Variants in ADARB2 observed in about 807,000 individuals in gnomAD.
The protein encoded by ADARB2 is inactive double-stranded RNA-specific editase B2.
A neutral mutation model predicts 62.2 loss-of-function variants in ADARB2; 25 were observed. The observed-to-expected ratio is 0.40, with a 90% confidence interval of 0.29 to 0.56. The LOEUF (loss-of-function observed/expected upper bound fraction) is 0.56, where lower values mean the gene tolerates loss of function less well. Ranked by LOEUF, ADARB2 falls within the 20% of genes least tolerant of loss-of-function variation. ADARB2 has a pLI of 0.43. For synonymous variants in ADARB2, 572 were observed against 500.8 expected, an observed-to-expected ratio of 1.14 and a Z score of -1.90; for missense variants, 1,071 against 1,077.4, an observed-to-expected ratio of 0.99 and a Z score of 0.08.
At chr10:1,678,546 C>T (rs17294061) in intron 1 of ADARB2, among the ~76,000 whole-genome samples, 6,115 of 152,002 alleles carry the variant, frequency 0.04, 177 homozygotes, top group Middle Eastern at 0.075. Context: ...CTTTTCAAGT[C>T]GCTTTTTATC....
intron 1 of ADARB2, among the ~76,000 whole-genome samples, chr10:1,611,897 G>C (rs1185653023): frequency 6.6e-6 from 1 of 152,168 alleles, no homozygotes; most frequent in African/African-American, 2.4e-5. Flanking sequence ...CCAGATGCGT[G>C]GTGCCTGGGG....
intron 1 of ADARB2, among the ~76,000 whole-genome samples, chr10:1,653,064 C>T (rs1247805053): frequency 6.6e-6 from 1 of 152,198 alleles, no homozygotes; most frequent in East Asian, 1.9e-4. Context: ...GAAATGGCCA[C>T]TTAGAGCTTC....
rs370242438 is a variant in ADARB2, at chr10:1,182,869, G to A, written c.*324C>T. 249 of 266,140 alleles carry A rather than the reference G, an allele frequency of 9.4e-4. 1 individual carries two copies. Among genetic ancestry groups the A allele is most frequent in the Non-Finnish European group, 3.1e-4 (43 of 137,824 alleles). 16.5% of individuals were successfully genotyped at this position (266,140 alleles called of 1,614,324 possible). A position where few individuals can be genotyped will look rare whatever the true frequency, so the allele number is the denominator to read the frequency against. Reference sequence around the variant, plus strand: ...CTGAGGCTCACTCCTGCCTGGTGTCGTGTCGGTGCCTCCTTCCAAGGCTGC... The same window carrying A: ...CTGAGGCTCACTCCTGCCTGGTGTCATGTCGGTGCCTCCTTCCAAGGCTGC... On this transcript the variant is annotated 3_prime_UTR_variant, in exon 10 of 10. Coordinates refer to ENST00000381312, the MANE Select transcript of ADARB2 (RefSeq NM_018702.4).
chr10:1,295,895 C>T (rs1041045891), intron 3 of ADARB2, among the ~76,000 whole-genome samples: 2 of 152,156 alleles, frequency 1.3e-5, no homozygotes, highest in African/African-American at 4.8e-5. Flanking sequence ...GCAGTAAGCT[C>T]TTGCTGTGTA....
intron 2 of ADARB2, among the ~76,000 whole-genome samples, chr10:1,366,521 C>G (rs1398811473): frequency 6.6e-6 from 1 of 152,154 alleles, no homozygotes; most frequent in Non-Finnish European, 1.5e-5. Flanking sequence ...TTGCTGCTTC[C>G]CATTGCCCCA....
chr10:1,457,614 GACACAGAGCTACAAT>G (rs1831111280), intron 1 of ADARB2, among the ~76,000 whole-genome samples: 1 of 152,136 alleles, frequency 6.6e-6, no homozygotes, highest in Admixed American at 6.5e-5. Flanking sequence ...TTTGTTCCTG[GACACAGAGCTACAAT>G]TCCACAGCCT....
At chr10:1,496,859 C>A (rs1463536044) in intron 1 of ADARB2, among the ~76,000 whole-genome samples, 1 of 152,196 alleles carries the variant, frequency 6.6e-6, no homozygotes, top group African/African-American at 2.4e-5. Flanking sequence ...GAGCAACGCA[C>A]ACTGGGCTAT....
intron 1 of ADARB2, among the ~76,000 whole-genome samples, chr10:1,537,683 A>T (rs910098094): frequency 6.6e-6 from 1 of 152,220 alleles, no homozygotes; most frequent in Non-Finnish European, 1.5e-5. Flanking sequence ...GAAGCTGGAA[A>T]CCATCATCCT....
intron 1 of ADARB2, among the ~76,000 whole-genome samples, chr10:1,573,429 C>T (rs992060655): frequency 9.2e-5 from 14 of 152,250 alleles, no homozygotes; most frequent in African/African-American, 2.2e-4. Context: ...GAGTGTGGAG[C>T]GGAAACTGGT....
chr10:1,359,687 G>A (rs1468342798), intron 3 of ADARB2, among the ~76,000 whole-genome samples: 2 of 152,152 alleles, frequency 1.3e-5, no homozygotes, highest in East Asian at 1.9e-4. Flanking sequence ...TGCTTCCTGC[G>A]AGCTGTCCCG....
chr10:1,231,148 C>G (rs187107906), intron 6 of ADARB2, among the ~76,000 whole-genome samples: 6 of 152,140 alleles, frequency 3.9e-5, no homozygotes, highest in African/African-American at 1.2e-4. Context: ...TGTTCTCACT[C>G]AGCCCTCTCC....
At chr10:1,257,205 GGTTA>G (rs1164779017) in intron 4 of ADARB2, among the ~76,000 whole-genome samples, 1 of 152,126 alleles carries the variant, frequency 6.6e-6, no homozygotes, top group African/African-American at 2.4e-5. Flanking sequence ...AAATCTGGCT[GGTTA>G]GTTAGAGCAC....
At chr10:1,314,033 G>A (rs1831715399) in intron 3 of ADARB2, among the ~76,000 whole-genome samples, 1 of 152,258 alleles carries the variant, frequency 6.6e-6, no homozygotes, top group Non-Finnish European at 1.5e-5. Context: ...AGTTGTGGAA[G>A]CCACACAGCC....
At chr10:1,331,298 T>C (rs1257054033) in intron 3 of ADARB2, among the ~76,000 whole-genome samples, 2 of 152,206 alleles carry the variant, frequency 1.3e-5, no homozygotes, top group African/African-American at 4.8e-5. Flanking sequence ...AAACCACATA[T>C]TCAAGTGTTC....
intron 1 of ADARB2, among the ~76,000 whole-genome samples, chr10:1,518,794 C>G (rs1832038202): frequency 6.6e-6 from 1 of 150,908 alleles, no homozygotes; most frequent in Non-Finnish European, 1.5e-5. Flanking sequence ...CGCCTATATT[C>G]CATGTAATGT....
chr10:1,350,658 C>T (rs181085614), intron 3 of ADARB2, among the ~76,000 whole-genome samples: 112 of 152,302 alleles, frequency 7.4e-4, no homozygotes, highest in African/African-American at 2.6e-3. Context: ...AAAAATCCAG[C>T]CCAGTTCATG....
At chr10:1,330,199 C>T (rs1276513375) in intron 3 of ADARB2, among the ~76,000 whole-genome samples, 2 of 152,036 alleles carry the variant, frequency 1.3e-5, no homozygotes, top group African/African-American at 2.4e-5. Flanking sequence ...AGGGTGTTGG[C>T]AGGCATCTGA....
intron 3 of ADARB2, among the ~76,000 whole-genome samples, chr10:1,284,019 T>C (rs756459087): frequency 6.6e-6 from 1 of 152,192 alleles, no homozygotes; most frequent in African/African-American, 2.4e-5. Flanking sequence ...AGAGTAGTTA[T>C]GAGAAATTAA....
chr10:1,467,883 G>A (rs962592081), intron 1 of ADARB2, among the ~76,000 whole-genome samples: 2 of 152,138 alleles, frequency 1.3e-5, no homozygotes, highest in African/African-American at 2.4e-5. Flanking sequence ...AACGAAAGCC[G>A]TCTGTCTGAC....
Sources: gnomAD v4.1 joint callset for allele counts (sites outside exome capture counted in the v4.1 genomes callset) on GRCh38, gnomAD v4.1.1 for gene constraint, MANE v1.5 for transcripts, NCBI Gene and HGNC (gene_info 2026-07-23, HGNC 2026-07-21) for gene names.